Variants in MAP3K15 observed in about 807,000 individuals in gnomAD.
MAP3K15 encodes mitogen-activated protein kinase kinase kinase 15.
In MAP3K15, 124 loss-of-function variants were observed where a neutral mutation model predicts 99.5. The observed-to-expected ratio is 1.25, with a 90% CI of 1.08 to 1.45. The LOEUF is 1.45. Among genes scored for constraint, MAP3K15 ranks in the 40% most tolerant of loss-of-function variants. The probability of loss-of-function intolerance (pLI) is 0.00; values close to 1 mark genes in which losing one functional copy is unlikely to be tolerated. For synonymous variants in MAP3K15, 494 were observed against 439.6 expected, an observed-to-expected ratio of 1.12 and a Z score of -1.55; for missense variants, 1,242 against 1,079.7, an observed-to-expected ratio of 1.15 and a Z score of -2.11.
chrX:19,503,958 A>G lies in MAP3K15; in HGVS notation c.361+10943T>C, dbSNP rs1351774543. 2.8e-5 allele frequency among the ~76,000 whole-genome samples: 3 copies of G among 107,818 alleles called. 1 individual carries two copies. Among genetic ancestry groups the G allele is most frequent in the Non-Finnish European group, 1.9e-5 (1 of 52,138 alleles). The allele number at this position is 107,818 out of a possible 115,157, so 93.6% of individuals were successfully genotyped here. On this transcript the variant is annotated intron_variant, in intron 1 of 28. Coordinates refer to ENST00000338883, the MANE Select transcript of MAP3K15 (RefSeq NM_001001671.4). ...AGTGAGATCCCCATCTCTACAAAAAAAAGTAAAAATAGCTGGACATAGTGG... is the reference window on the plus strand; with the variant it reads ...AGTGAGATCCCCATCTCTACAAAAAGAAGTAAAAATAGCTGGACATAGTGG...
chrX:19,362,906 A>G, intron 25 of MAP3K15, 56 bp from the exon 26 acceptor site: 4 of 660,179 alleles, frequency 6.1e-6, no homozygotes, highest in Non-Finnish European at 9.5e-6. Context: ...AACACCATTC[A>G]ATTTAACTCA....
At chrX:19,372,133 A>T (rs1294904099) in intron 22 of MAP3K15, among the ~76,000 whole-genome samples, 3 of 456 alleles carry the variant, frequency 6.6e-3, no homozygotes, top group African/African-American at 0.02. Context: ...GACTGTCTAA[A>T]AAAAAAAAAA....
chrX:19,497,871 A>G (rs1427479002), intron 1 of MAP3K15: 1 of 111,505 alleles, frequency 9.0e-6, no homozygotes, highest in African/African-American at 3.3e-5. Flanking sequence ...TCCTCTGCAC[A>G]GGACAAGGAA....
intron 18 of MAP3K15, among the ~76,000 whole-genome samples, chrX:19,390,245 A>C (rs912418852): frequency 1.8e-5 from 2 of 108,522 alleles, no homozygotes; most frequent in African/African-American, 6.7e-5. Flanking sequence ...GATAGAGAAC[A>C]GTCACCTGTC....
At chrX:19,397,803 C>T (rs1167787127) in intron 15 of MAP3K15, among the ~76,000 whole-genome samples, 3 of 111,391 alleles carry the variant, frequency 2.7e-5, no homozygotes, top group African/African-American at 9.8e-5. Context: ...CCTGGCCGGG[C>T]GCGGTGGCTC....
intron 9 of MAP3K15, 132 bp from the exon 10 acceptor site, chrX:19,415,389 G>A (rs755219783): frequency 5.2e-4 from 293 of 560,997 alleles, no homozygotes; most frequent in African/African-American, 3.4e-3. Context: ...CTTCATAAAC[G>A]ACTGCTCAGC....
chrX:19,505,095 C>T (rs1265326633), intron 1 of MAP3K15, among the ~76,000 whole-genome samples: 1 of 110,528 alleles, frequency 9.0e-6, no homozygotes, highest in African/African-American at 3.3e-5. Context: ...AGTTACCTAG[C>T]CTCCAAAACT....
chrX:19,391,674 C>CA (rs759061873), intron 18 of MAP3K15, among the ~76,000 whole-genome samples: 1,277 of 28,095 alleles, frequency 0.045, 42 homozygotes, highest in East Asian at 0.16. Flanking sequence ...GACCCCGTCT[C>CA]AAAAAAAAAA....
chrX:19,386,742 A>C (rs768827638), intron 18 of MAP3K15, among the ~76,000 whole-genome samples: 1 of 111,611 alleles, frequency 9.0e-6, no homozygotes, highest in South Asian at 3.8e-4. Context: ...AGCAGAAGAC[A>C]CAAGTTTATA....
chrX:19,382,725 A>C (rs1438338661), intron 18 of MAP3K15, among the ~76,000 whole-genome samples: 1 of 111,654 alleles, frequency 9.0e-6, no homozygotes, highest in East Asian at 2.8e-4. Flanking sequence ...CCAGAGCCCC[A>C]AGAAGGGAAC....
rs746563300 is a variant in MAP3K15, at chrX:19,483,413, T to G, written c.525+3069A>C. On this transcript the variant is annotated intron_variant, in intron 3 of 28. Coordinates refer to ENST00000338883, the MANE Select transcript of MAP3K15 (RefSeq NM_001001671.4). Reference sequence around the variant, plus strand: ...TCCCTTTCTGGGTAAAAGTACAATTTTAGAAATATCAAATGACTCCTTGAA... The same window carrying G: ...TCCCTTTCTGGGTAAAAGTACAATTGTAGAAATATCAAATGACTCCTTGAA... 1.3e-4 allele frequency among the ~76,000 whole-genome samples: 14 copies of G among 111,820 alleles called. No individual in the cohort carries two copies. In the East Asian group the frequency reaches 3.6e-3, roughly 29 times the overall value.
chrX:19,495,200 C>T (rs2064392571), intron 1 of MAP3K15, among the ~76,000 whole-genome samples: 1 of 111,856 alleles, frequency 8.9e-6, no homozygotes, highest in Admixed American at 9.5e-5. Context: ...TTAGTAGACA[C>T]GGGGTTTCCC....
At position 19,374,672 on chromosome X, in the gene MAP3K15, G is replaced by A; in HGVS notation, c.2590-12C>T. 3.3e-6 allele frequency: 4 copies of A among 1,203,726 alleles called. No homozygotes were observed. Among genetic ancestry groups the A allele is most frequent in the Non-Finnish European group, 4.5e-6 (4 of 890,086 alleles). ...TTAAACATGCCCACCTGCATTTAAG[G>A]GAGAGGTAACCGATGTGTCAGTGAG... is the stretch of plus-strand genomic sequence containing the variant. On this transcript the variant is annotated splice_polypyrimidine_tract_variant and intron_variant, in intron 19 of 28. Coordinates refer to ENST00000338883, the MANE Select transcript of MAP3K15 (RefSeq NM_001001671.4).
chrX:19,501,993 G>A (rs1026845550), intron 1 of MAP3K15, among the ~76,000 whole-genome samples: 5 of 112,420 alleles, frequency 4.4e-5, no homozygotes, highest in African/African-American at 1.6e-4. Flanking sequence ...TTGAACCTGG[G>A]AGGTGGAGGT....
At position 19,465,349 on chromosome X, in the gene MAP3K15, C is replaced by A. The variant is rs193225818; in HGVS notation, c.526-943G>T. Among the ~76,000 whole-genome samples, 9 of 111,351 alleles carry A rather than the reference C, an allele frequency of 8.1e-5. No individual in the cohort carries two copies. The Admixed American group carries it at 8.6e-4, about 11-fold the overall frequency. ...ACAAAGCTTCTGATATTCTATTATCCCTGAAAATAGGGTTGGTTTTCTGAG... is the reference window on the plus strand; with the variant it reads ...ACAAAGCTTCTGATATTCTATTATCACTGAAAATAGGGTTGGTTTTCTGAG... On this transcript the variant is annotated intron_variant, in intron 3 of 28. Transcript: ENST00000338883.
At chrX:19,429,817 A>AGG (rs1569222629) in intron 7 of MAP3K15, among the ~76,000 whole-genome samples, 8 of 94,199 alleles carry the variant, frequency 8.5e-5, no homozygotes. Context: ...AGAGAGAGAG[A>AGG]GAGAGGAAGC....
intron 3 of MAP3K15, among the ~76,000 whole-genome samples, chrX:19,472,380 A>T (rs1373647907): frequency 1.8e-5 from 2 of 111,757 alleles, no homozygotes; most frequent in Non-Finnish European, 3.8e-5. Flanking sequence ...TATAAAAGAT[A>T]GTATAATTGC....
chrX:19,479,144 G>C (rs898742226), intron 3 of MAP3K15, among the ~76,000 whole-genome samples: 1 of 111,689 alleles, frequency 9.0e-6, no homozygotes, highest in East Asian at 2.8e-4. Flanking sequence ...TGGATATGCA[G>C]GTATACTACC....
chrX:19,491,872 G>T (rs2064371030), intron 1 of MAP3K15, among the ~76,000 whole-genome samples: 1 of 110,018 alleles, frequency 9.1e-6, no homozygotes, highest in Non-Finnish European at 1.9e-5. Flanking sequence ...TTTTAGCAGA[G>T]ATGGGGTTTC....
Sources: allele counts gnomAD v4.1 joint callset (sites outside exome capture counted in the v4.1 genomes callset), GRCh38; gene constraint gnomAD v4.1.1; transcripts MANE v1.5; gene names NCBI Gene and HGNC (gene_info 2026-07-23, HGNC 2026-07-21).